FHL3: variants seen among roughly 807,000 people sequenced by gnomAD.
The protein encoded by FHL3 is four and a half LIM domains protein 3.
Under a neutral mutation model 34.3 loss-of-function variants are expected in FHL3, and 21 were observed. That is an observed-to-expected ratio of 0.61 (90% CI 0.43 to 0.88). The LOEUF (loss-of-function observed/expected upper bound fraction) is 0.88. Ranked by LOEUF, FHL3 falls within the 40% of genes least tolerant of loss-of-function variation. The probability of loss-of-function intolerance (pLI) is 0.00; values close to 1 mark genes in which losing one functional copy is unlikely to be tolerated. For synonymous variants in FHL3, 137 were observed against 144.6 expected, an observed-to-expected ratio of 0.95 and a Z score of 0.38; for missense variants, 333 against 373.7, an observed-to-expected ratio of 0.89 and a Z score of 0.90.
In FHL3 at chr1:37,997,526, T is replaced by C; in HGVS notation, c.722A>G (p.Asp241Gly). The change falls in exon 6 of 6, where the codon GAC (aspartate) becomes GGC (glycine). Residue 241 changes from aspartate to glycine, a missense_variant. Asp to Gly is a moderately conservative substitution (Grantham distance 94, BLOSUM62 -1). Transcript: ENST00000373016. This position sits in a 1 kb window ranked among gnomAD's most constrained non-coding sequence, Gnocchi z 4.3. ...LGGGKYVSFE[D>G]RHWHHNCFSC... Reference sequence around the variant, plus strand: ...GAAGCAGTTGTGGTGCCAGTGTCGGTCTTCAAAGGACACATACTTGCCTCC... The same window carrying C: ...GAAGCAGTTGTGGTGCCAGTGTCGGCCTTCAAAGGACACATACTTGCCTCC... The C allele has an allele frequency of 6.2e-7, 1 of 1,612,288 alleles. No homozygotes were observed. The highest frequency in any genetic ancestry group is 8.5e-7 in the Non-Finnish European group (1 of 1,179,420).
intron 1 of FHL3, 102 bp from the exon 2 acceptor site, chr1:37,999,534 A>ATTTCC: frequency 1.8e-6 from 2 of 1,115,456 alleles, no homozygotes; most frequent in Non-Finnish European, 2.6e-6. Context: ...GAGACCCGGC[A>ATTTCC]TAGGAAATGC....
rs1024201474 is a variant in FHL3, at chr1:37,997,718, T to C, written c.654A>G (p.Ala218=). The C allele has an allele frequency of 6.2e-7, 1 of 1,614,070 alleles. No homozygotes were observed. The highest frequency in any genetic ancestry group is 1.7e-5 in the Admixed American group (1 of 60,006). The change falls in exon 5 of 6, where the codon GCA becomes GCG. Residue 218 remains alanine (A), a synonymous_variant. Transcript: ENST00000373016. The surrounding 1 kb of genome is among the most constrained non-coding windows in gnomAD (Gnocchi z 4.3). ...GGCGCTTGCAGCTGCTGCACTTAGG[T>C]GCAAAGAGTTCTCCAAAACAGGCCA... The part of the protein sequence containing the change: ...YCVACFGELF[A]PKCSSCKRPI...
intron 1 of FHL3, among the ~76,000 whole-genome samples, chr1:38,004,656 G>GA (rs1217857666): frequency 1.3e-5 from 2 of 152,144 alleles, no homozygotes; most frequent in African/African-American, 4.8e-5. Context: ...CTACATGGCT[G>GA]AATGTCTCAA....
intron 3 of FHL3, 36 bp from the exon 4 acceptor site, chr1:37,998,168 C>G: frequency 6.2e-7 from 1 of 1,603,974 alleles, no homozygotes; most frequent in Non-Finnish European, 8.5e-7. Context: ...GAGGTTGTGT[C>G]CCATGCTCCT....
intron 1 of FHL3, among the ~76,000 whole-genome samples, chr1:38,001,770 C>G (rs1646597964): frequency 6.6e-6 from 1 of 152,176 alleles, no homozygotes; most frequent in Non-Finnish European, 1.5e-5. Context: ...CCCAGTGAAC[C>G]TCCTGGAGCT....
Position 37,997,640 on chromosome 1 carries a change from C to G in FHL3, c.688+44G>C. ...CTCACCCAATACCACATCCCACTCC[C>G]TTGCCTGCACCCTACCCACTCCGTT... is the stretch of plus-strand genomic sequence containing the variant. On this transcript the variant is annotated intron_variant, in intron 5 of 5. Transcript: ENST00000373016. This position sits in a 1 kb window ranked among gnomAD's most constrained non-coding sequence, Gnocchi z 4.3. 6.2e-7 allele frequency: 1 copy of G among 1,612,280 alleles called. No individual in the cohort carries two copies. The highest frequency in any genetic ancestry group is 1.3e-5 in the African/African-American group (1 of 75,010).
rs537565116 is a variant in FHL3 at position 37,998,837 on chromosome 1, C to T, written c.331+137G>A. The T allele has an allele frequency of 1.2e-4, 104 of 855,664 alleles. No individual in the cohort carries two copies. The Middle Eastern group carries it at 1.5e-3, about 12-fold the overall frequency. The allele number at this position is 855,664 out of a possible 1,614,324, so 53.0% of individuals were successfully genotyped here. ...AGGAGTATACCAGGCAAACAGATCC[C>T]GTATATACTAAATTTCCAGAAACAT... On this transcript the variant is annotated intron_variant, in intron 3 of 5. Transcript: ENST00000373016.
At position 37,997,923 on chromosome 1, in the gene FHL3, C is replaced by T. The variant is rs779544224; in HGVS notation, c.501+40G>A. 1.9e-6 allele frequency: 3 copies of T among 1,614,000 alleles called. No homozygotes were observed. Among genetic ancestry groups the T allele is most frequent in the South Asian group, 2.2e-5 (2 of 91,082 alleles). ...ATGAGTGGGGATTCCCACCCCACAA[C>T]AGGCCTCACTCACCCCCACCTGGCT... On this transcript the variant is annotated intron_variant, in intron 4 of 5. Transcript: ENST00000373016. This position sits in a 1 kb window ranked among gnomAD's most constrained non-coding sequence, Gnocchi z 4.3.
At chr1:38,004,868 C>A (rs1646628183) in intron 1 of FHL3, among the ~76,000 whole-genome samples, 1 of 152,088 alleles carries the variant, frequency 6.6e-6, no homozygotes, top group Non-Finnish European at 1.5e-5. Flanking sequence ...TGGGGTCCCA[C>A]GTATGCTTTT....
At position 37,999,271 on chromosome 1, in the gene FHL3, C is replaced by T. The variant is rs200105263; in HGVS notation, c.142G>A (p.Gly48Arg). ...NTCAECQQLI[G>R]HDSRELFYED... Reference sequence around the variant, plus strand: ...CCTCTCCTTACCCTCGAGTCATGCCCGATAAGCTGCTGGCACTCAGCACAG... The same window carrying T: ...CCTCTCCTTACCCTCGAGTCATGCCTGATAAGCTGCTGGCACTCAGCACAG... Residue 48 changes from glycine (G) to arginine (R), a missense_variant, in exon 2 of 6, where the codon GGG becomes AGG. By Grantham distance (125) the Gly-to-Arg change is moderately radical. Coordinates refer to ENST00000373016, the MANE Select transcript of FHL3 (RefSeq NM_004468.5). 1.2e-5 allele frequency: 20 copies of T among 1,614,172 alleles called. No homozygotes were observed. The East Asian group carries it at 2.0e-4, about 16-fold the overall frequency.
Position 37,999,179 on chromosome 1 carries a change from C to T in FHL3, c.157-31G>A, listed in dbSNP as rs375688036. On this transcript the variant is annotated intron_variant, in intron 2 of 5. Transcript: ENST00000373016. ...GGGAACACAGCAGGGGCACTGGCAC[C>T]CAGGCCTCATGGACCCATCCTTTGC... 19 of 1,613,886 alleles carry T rather than the reference C, an allele frequency of 1.2e-5. No individual in the cohort carries two copies. In the African/African-American group the frequency reaches 2.3e-4, roughly 19 times the overall value.
Position 37,999,143 on chromosome 1 carries a change from C to T in FHL3, c.162G>A (p.Leu54=). Residue 54 remains leucine (L), a synonymous_variant, in exon 3 of 6, where the codon CTG becomes CTA. Transcript: ENST00000373016. ...CGTGGAAATGGCGGTCTTCATAGAA[C>T]AGCTCCTGTGGGGAACACAGCAGGG... The part of the protein sequence containing the change: ...QQLIGHDSRE[L]FYEDRHFHEG... The T allele has an allele frequency of 1.2e-6, 2 of 1,614,198 alleles. No homozygotes were observed. The highest frequency in any genetic ancestry group is 1.7e-6 in the Non-Finnish European group (2 of 1,180,038).
chr1:37,999,771 T>G (rs1646574705), intron 1 of FHL3, among the ~76,000 whole-genome samples: 1 of 152,140 alleles, frequency 6.6e-6, no homozygotes, highest in Admixed American at 6.5e-5. Flanking sequence ...GTCCCGACTG[T>G]CCCCAGCGTG....
chr1:37,997,888 ATTAGTAGG>A lies in FHL3; in HGVS notation c.502-26_502-19del, dbSNP rs766007184. 6.2e-7 allele frequency: 1 copy of A among 1,613,452 alleles called. No homozygotes were observed. Among genetic ancestry groups the A allele is most frequent in the East Asian group, 2.2e-5 (1 of 44,822 alleles). On this transcript the variant is annotated intron_variant, in intron 4 of 5. Coordinates refer to ENST00000373016, the MANE Select transcript of FHL3 (RefSeq NM_004468.5). This position sits in a 1 kb window ranked among gnomAD's most constrained non-coding sequence, Gnocchi z 4.3. Reference sequence around the variant, plus strand: ...GTCAGCGTCTGTGGGGGCAGCATCCATTAGTAGGTATGAGTGGGGATTCCCACCCCACA... The same window carrying A: ...GTCAGCGTCTGTGGGGGCAGCATCCATATGAGTGGGGATTCCCACCCCACA...
chr1:37,997,437 G>A lies in FHL3; in HGVS notation c.811C>T (p.Leu271Phe), dbSNP rs909421353. The A allele has an allele frequency of 3.1e-6, 5 of 1,614,052 alleles. No homozygotes were observed. Among genetic ancestry groups the A allele is most frequent in the South Asian group, 2.2e-5 (2 of 91,086 alleles). ...QGFVPDGDQVLCQGCSQAGP is the reference protein window; with the variant it reads ...QGFVPDGDQVFCQGCSQAGP ...CCTGCCTGGCTACAGCCCTGGCAGA[G>A]CACTTGGTCTCCATCCGGTACGAAG... is the stretch of plus-strand genomic sequence containing the variant. The change falls in exon 6 of 6, where the codon CTC becomes TTC. Residue 271 changes from leucine to phenylalanine, a missense_variant. Leu to Phe is a conservative substitution (Grantham distance 22, BLOSUM62 0). Coordinates refer to ENST00000373016, the MANE Select transcript of FHL3 (RefSeq NM_004468.5). This position sits in a 1 kb window ranked among gnomAD's most constrained non-coding sequence, Gnocchi z 4.3.
At chr1:38,000,976 A>G (rs1009151376) in intron 1 of FHL3, among the ~76,000 whole-genome samples, 1 of 152,174 alleles carries the variant, frequency 6.6e-6, no homozygotes, top group African/African-American at 2.4e-5. Context: ...CTGAAGGAGA[A>G]GTCCTCCTTT....
Position 37,998,028 on chromosome 1 carries a change from C to G in FHL3, c.436G>C (p.Gly146Arg). Residue 146 changes from glycine (G) to arginine (R), a missense_variant, in exon 4 of 6, where the codon GGT (glycine) becomes CGT (arginine). Coordinates refer to ENST00000373016, the MANE Select transcript of FHL3 (RefSeq NM_004468.5). ...LGSRSFVPDK[G>R]AHYCVPCYEN... Reference sequence around the variant, plus strand: ...TAGCAGGGCACGCAGTAGTGAGCACCCTTGTCGGGCACAAAAGAACGGGAG... The same window carrying G: ...TAGCAGGGCACGCAGTAGTGAGCACGCTTGTCGGGCACAAAAGAACGGGAG... The G allele has an allele frequency of 1.2e-6, 2 of 1,614,124 alleles. No individual in the cohort carries two copies. Among genetic ancestry groups the G allele is most frequent in the South Asian group, 1.1e-5 (1 of 91,084 alleles).
At position 37,997,937 on chromosome 1, in the gene FHL3, C is replaced by A. The variant is rs776158550; in HGVS notation, c.501+26G>T. On this transcript the variant is annotated intron_variant, in intron 4 of 5. Transcript: ENST00000373016. This position sits in a 1 kb window ranked among gnomAD's most constrained non-coding sequence, Gnocchi z 4.3. ...CCACCCCACAACAGGCCTCACTCAC[C>A]CCCACCTGGCTGGCCCAGCCCCCAC... 1.9e-6 allele frequency: 3 copies of A among 1,613,920 alleles called. No homozygotes were observed. In the East Asian group the frequency reaches 6.7e-5, roughly 36 times the overall value.
Position 38,005,449 on chromosome 1 carries a change from G to GGCCAA in FHL3, c.-118_-114dup, listed in dbSNP as rs1646635111. Reference sequence around the variant, plus strand: ...CTCGGCGGCTCCTACCTGCGGGCCGGGCCAAGCGGGGGCCGAGCGAGCTGC... The same window carrying GGCCAA: ...CTCGGCGGCTCCTACCTGCGGGCCGGGCCAAGCCAAGCGGGGGCCGAGCGAGCTGC... On this transcript the variant is annotated 5_prime_UTR_variant, in exon 1 of 6. Coordinates refer to ENST00000373016, the MANE Select transcript of FHL3 (RefSeq NM_004468.5). 6.7e-6 allele frequency: 1 copy of GGCCAA among 149,920 alleles called. No homozygotes were observed. 9.3% of individuals were successfully genotyped at this position (149,920 alleles called of 1,614,324 possible).
Sources: gnomAD v4.1 joint callset for allele counts (sites outside exome capture counted in the v4.1 genomes callset) on GRCh38, gnomAD v4.1.1 for gene constraint, Gnocchi (gnomAD v3.1) non-coding constraint, MANE v1.5 for transcripts, NCBI Gene and HGNC (gene_info 2026-07-23, HGNC 2026-07-21) for gene names.